The following CSMD1 variants were observed in gnomAD, a reference collection of about 807,000 sequenced individuals.
CSMD1 encodes CUB and Sushi multiple domains 1.
In CSMD1, 213 loss-of-function variants were observed where a neutral mutation model predicts 417.5. The ratio of observed to expected loss-of-function variants is 0.51; its 90% CI spans 0.46 to 0.57. The LOEUF is 0.57. Among genes scored for constraint, CSMD1 ranks in the 20% least tolerant of loss-of-function variants. The probability of loss-of-function intolerance (pLI) is 0.00; values close to 1 mark genes in which losing one functional copy is unlikely to be tolerated. For missense variants in CSMD1, 6,923 were observed against 4,529.7 expected (o/e 1.53, Z -15.17); for synonymous variants, 2,862 against 1,736.8 (o/e 1.65, Z -16.11).
intron 1 of CSMD1, among the ~76,000 whole-genome samples, chr8:4,735,528 A>G (rs1352292912): frequency 6.6e-6 from 1 of 152,216 alleles, no homozygotes; most frequent in African/African-American, 2.4e-5. Context: ...AAAGGTCAGA[A>G]TAATTCACCT....
At chr8:4,761,912 AATCTATCTATCTATCTATCTATCT>A (rs60693169) in intron 1 of CSMD1, among the ~76,000 whole-genome samples, 2 of 101,268 alleles carry the variant, frequency 2.0e-5, no homozygotes, top group African/African-American at 4.0e-5. Flanking sequence ...TCTATCTATC[AATCTATCTATCTATCTATCTATCT>A]ATCTATCTAT....
chr8:4,224,824 G>A (rs1005400478), intron 3 of CSMD1, among the ~76,000 whole-genome samples: 3 of 152,202 alleles, frequency 2.0e-5, no homozygotes, highest in South Asian at 2.1e-4. Context: ...ATCATGGGAG[G>A]ATATATAGGG....
intron 1 of CSMD1, among the ~76,000 whole-genome samples, chr8:4,876,673 G>A (rs937052174): frequency 6.6e-6 from 1 of 152,000 alleles, no homozygotes. Flanking sequence ...TTTAAGTGCC[G>A]TTAGGTGCAT....
chr8:4,536,383 A>G (rs1179679364), intron 2 of CSMD1, among the ~76,000 whole-genome samples: 1 of 152,156 alleles, frequency 6.6e-6, no homozygotes, highest in Non-Finnish European at 1.5e-5. Context: ...ATTTATCCTT[A>G]CAATTTTAAA....
intron 3 of CSMD1, among the ~76,000 whole-genome samples, chr8:4,285,845 T>C (rs1004334244): frequency 3.9e-5 from 6 of 152,196 alleles, no homozygotes; most frequent in Non-Finnish European, 7.3e-5. Context: ...GCTATTTTAA[T>C]CAGGAACAAA....
intron 25 of CSMD1, among the ~76,000 whole-genome samples, chr8:3,305,226 G>A (rs951694977): frequency 2.0e-5 from 3 of 152,126 alleles, no homozygotes; most frequent in Non-Finnish European, 2.9e-5. Context: ...ATTTTCATGA[G>A]GAATATGAAA....
At chr8:3,114,797 A>G (rs184161274) in intron 42 of CSMD1, among the ~76,000 whole-genome samples, 17 of 152,194 alleles carry the variant, frequency 1.1e-4, no homozygotes, top group African/African-American at 3.6e-4. Flanking sequence ...AAAAATATGT[A>G]TGTAATAATA....
At chr8:4,903,076 A>G (rs1354983866) in intron 1 of CSMD1, among the ~76,000 whole-genome samples, 1 of 151,872 alleles carries the variant, frequency 6.6e-6, no homozygotes. Context: ...GTCATGTATT[A>G]GATATACGCA....
chr8:4,190,791 C>G (rs1798980162), intron 3 of CSMD1, among the ~76,000 whole-genome samples: 2 of 152,052 alleles, frequency 1.3e-5, no homozygotes, highest in Non-Finnish European at 2.9e-5. Flanking sequence ...AGAGCATGTC[C>G]TCTGCAGGGA....
chr8:2,994,238 A>T (rs1412285460), intron 54 of CSMD1, among the ~76,000 whole-genome samples: 1 of 151,954 alleles, frequency 6.6e-6, no homozygotes, highest in Non-Finnish European at 1.5e-5. Context: ...ACAACCAAAG[A>T]AGTAGCCTAA....
intron 3 of CSMD1, among the ~76,000 whole-genome samples, chr8:4,173,721 G>C (rs1041270531): frequency 6.6e-6 from 1 of 152,020 alleles, no homozygotes; most frequent in Admixed American, 6.6e-5. Context: ...CAATCAATGA[G>C]AAAATTTTTT....
intron 9 of CSMD1, among the ~76,000 whole-genome samples, chr8:3,576,136 G>A (rs1200043576): frequency 1.3e-5 from 2 of 152,022 alleles, no homozygotes; most frequent in Non-Finnish European, 2.9e-5. Context: ...AGCAGACTCA[G>A]CTACAAAACT....
intron 26 of CSMD1, among the ~76,000 whole-genome samples, chr8:3,277,296 G>A (rs1320475888): frequency 9.2e-5 from 14 of 152,148 alleles, no homozygotes; most frequent in Admixed American, 9.2e-4. Context: ...CTAAGCAGAA[G>A]TGAGGCGTTG....
Position 4,137,479 on chromosome 8 carries a change from T to C in CSMD1, c.416-105380A>G, listed in dbSNP as rs1714803. Among the ~76,000 whole-genome samples, 4 of 128,950 alleles carry C rather than the reference T, an allele frequency of 3.1e-5. 1 individual carries two copies. The highest frequency in any genetic ancestry group is 7.3e-5 in the Non-Finnish European group (4 of 55,092). 84.6% of individuals were successfully genotyped at this position (128,950 alleles called of 152,430 possible). A position where few individuals can be genotyped will look rare whatever the true frequency, so the allele number is the denominator to read the frequency against. On this transcript the variant is annotated intron_variant, in intron 3 of 69. Coordinates refer to ENST00000635120, the MANE Select transcript of CSMD1 (RefSeq NM_033225.6). ...GAGTATTTTAAAAGGTAATTTTCAC[T>C]ACAGAATATAACATTGTTTTTCCTT...
intron 3 of CSMD1, among the ~76,000 whole-genome samples, chr8:4,312,237 G>A (rs10503252): frequency 0.79 from 120,082 of 151,478 alleles, 48,012 homozygotes; most frequent in African/African-American, 0.89. Flanking sequence ...TAGCGTAACT[G>A]ATCATATTGC....
At chr8:3,143,382 T>G (rs1211323031) in intron 40 of CSMD1, among the ~76,000 whole-genome samples, 1 of 152,190 alleles carries the variant, frequency 6.6e-6, no homozygotes, top group Non-Finnish European at 1.5e-5. Context: ...CACAATTAAA[T>G]CTAACAGCCT....
intron 3 of CSMD1, among the ~76,000 whole-genome samples, chr8:4,321,482 A>G (rs1181422629): frequency 1.3e-5 from 2 of 152,118 alleles, no homozygotes; most frequent in Non-Finnish European, 2.9e-5. Context: ...TCAGTGATGC[A>G]AGTTAGACAA....
intron 2 of CSMD1, among the ~76,000 whole-genome samples, chr8:4,447,444 G>C (rs1798880091): frequency 6.6e-6 from 1 of 152,158 alleles, no homozygotes. Context: ...CCAGAGGAAG[G>C]AGTAGAATTT....
At chr8:4,047,226 C>G (rs1798193695) in intron 3 of CSMD1, among the ~76,000 whole-genome samples, 1 of 152,020 alleles carries the variant, frequency 6.6e-6, no homozygotes, top group South Asian at 2.1e-4. Context: ...CAGTCTGACT[C>G]TAGTGTTCAT....
Sources: allele counts gnomAD v4.1 joint callset (sites outside exome capture counted in the v4.1 genomes callset), GRCh38; gene constraint gnomAD v4.1.1; transcripts MANE v1.5; gene names NCBI Gene and HGNC (gene_info 2026-07-23, HGNC 2026-07-21).